The following KATNAL2 variants were observed in gnomAD, a reference collection of about 807,000 sequenced individuals.
KATNAL2 encodes katanin p60 ATPase-containing subunit A-like 2.
In KATNAL2, 52 loss-of-function variants were observed where a neutral mutation model predicts 76.3. The ratio of observed to expected loss-of-function variants is 0.68; its 90% confidence interval spans 0.55 to 0.86. The LOEUF is 0.86. KATNAL2 is among the 40% of genes least tolerant of loss of function. The pLI, the probability that KATNAL2 is intolerant of heterozygous loss-of-function variation, is 0.00. For missense variants in KATNAL2, 660 were observed against 668.9 expected (o/e 0.99, Z 0.15); for synonymous variants, 243 against 244.2 (o/e 1.00, Z 0.05).
Position 47,063,364 on chromosome 18 carries a change from A to G in KATNAL2, c.726+3A>G, listed in dbSNP as rs2061694136. 1 of 1,611,488 alleles carries G rather than the reference A, an allele frequency of 6.2e-7. No homozygotes were observed. Among genetic ancestry groups the G allele is most frequent in the Non-Finnish European group, 8.5e-7 (1 of 1,178,464 alleles). On this transcript the variant is annotated splice_donor_region_variant and intron_variant, in intron 10 of 17. Transcript: ENST00000683218. ...AATTGGCAGCCGTGGTGAGCCGGGT[A>G]AGATCTGATATTCAATTCACAAATT... is the stretch of plus-strand genomic sequence containing the variant.
chr18:47,054,166 A>T (rs907648199), intron 5 of KATNAL2, among the ~76,000 whole-genome samples: 4 of 152,186 alleles, frequency 2.6e-5, no homozygotes, highest in Non-Finnish European at 5.9e-5. Context: ...TTAATATCTG[A>T]GCCCTTTGCA....
chr18:46,960,497 G>C (rs918045663), intron 3 of KATNAL2, among the ~76,000 whole-genome samples: 2 of 152,040 alleles, frequency 1.3e-5, no homozygotes, highest in Non-Finnish European at 1.5e-5. Context: ...GGAAGACTGA[G>C]TTGCTTAGAA....
chr18:47,060,988 T>G (rs996445137), intron 8 of KATNAL2, among the ~76,000 whole-genome samples: 7 of 152,230 alleles, frequency 4.6e-5, no homozygotes, highest in African/African-American at 1.7e-4. Context: ...GAAGGGACCA[T>G]TTAACCCAGC....
chr18:47,097,792 T>G (rs1245240265), intron 15 of KATNAL2, among the ~76,000 whole-genome samples: 1 of 152,194 alleles, frequency 6.6e-6, no homozygotes, highest in Non-Finnish European at 1.5e-5. Context: ...GGTGAACTTG[T>G]GTCATGGGGG....
In KATNAL2 at chr18:46,952,393, G is replaced by GTTTTTTT. The variant is rs35596537; in HGVS notation, c.51+5488_51+5494dup. On this transcript the variant is annotated intron_variant, in intron 3 of 17. Coordinates refer to ENST00000683218, the MANE Select transcript of KATNAL2 (RefSeq NM_001387690.1). ...GCCATTGCACTCAGCCTGCAGGTATGTTTTTTTTTTTTTTTTTTTTTTTTG... is the reference window on the plus strand; with the variant it reads ...GCCATTGCACTCAGCCTGCAGGTATGTTTTTTTTTTTTTTTTTTTTTTTTTTTTTTTG... Among the ~76,000 whole-genome samples the GTTTTTTT allele has an allele frequency of 8.2e-4, 53 of 64,428 alleles. 1 individual carries two copies. Among genetic ancestry groups the GTTTTTTT allele is most frequent in the East Asian group, 1.8e-3 (4 of 2,284 alleles). The allele number at this position is 64,428 out of a possible 152,430, so 42.3% of individuals were successfully genotyped here.
rs117763704 is a variant in KATNAL2, at chr18:47,055,189, G to A, written c.332+751G>A. Among the ~76,000 whole-genome samples, 1,259 of 152,280 alleles carry A rather than the reference G, an allele frequency of 8.3e-3. 9 individuals are homozygous for A. The highest frequency in any genetic ancestry group is 0.014 in the Non-Finnish European group (967 of 68,018). Reference sequence around the variant, plus strand: ...CAGAGCTGTTCAGAAATACCCAGGGGAACAAGGGTGCTGCTGCCGGCTGCC... The same window carrying A: ...CAGAGCTGTTCAGAAATACCCAGGGAAACAAGGGTGCTGCTGCCGGCTGCC... On this transcript the variant is annotated intron_variant, in intron 6 of 17. Transcript: ENST00000683218.
chr18:47,035,032 A>G, intron 3 of KATNAL2: 2 of 1,611,712 alleles, frequency 1.2e-6, no homozygotes. Context: ...TCGGTCCACG[A>G]GCACCAGCTT....
intron 14 of KATNAL2, chr18:47,076,561 C>G (rs2062233355): frequency 6.6e-6 from 1 of 152,206 alleles, no homozygotes; most frequent in Non-Finnish European, 1.5e-5. Context: ...GACTCTTCAT[C>G]TGCTATCCTT....
intron 4 of KATNAL2, among the ~76,000 whole-genome samples, chr18:47,047,186 T>G (rs1447391004): frequency 2.0e-5 from 3 of 152,104 alleles, no homozygotes; most frequent in Non-Finnish European, 4.4e-5. Context: ...CTCCCAAAGT[T>G]CTGGCATTAC....
intron 4 of KATNAL2, among the ~76,000 whole-genome samples, chr18:47,050,441 ATGTATTT>A (rs2061307510): frequency 6.6e-6 from 1 of 152,220 alleles, no homozygotes; most frequent in South Asian, 2.1e-4. Context: ...TTTTATTACA[ATGTATTT>A]TTTGTTCCAG....
intron 1 of KATNAL2, among the ~76,000 whole-genome samples, chr18:46,923,825 G>A (rs1331409285): frequency 6.6e-6 from 1 of 152,220 alleles, no homozygotes; most frequent in Non-Finnish European, 1.5e-5. Flanking sequence ...CTGATGGCCA[G>A]TGATGATGAG....
chr18:46,921,634 A>AT (rs1245632088), intron 1 of KATNAL2, among the ~76,000 whole-genome samples: 2 of 151,944 alleles, frequency 1.3e-5, no homozygotes. Flanking sequence ...AAGATGGTAA[A>AT]TTTTTTGTAT....
At chr18:47,062,527 C>A (rs2061666807) in intron 8 of KATNAL2, among the ~76,000 whole-genome samples, 1 of 152,106 alleles carries the variant, frequency 6.6e-6, no homozygotes. Flanking sequence ...AGAAATAGTT[C>A]TCACAAAGAA....
Position 46,946,748 on chromosome 18 carries a change from C to T in KATNAL2, c.-19-106C>T. On this transcript the variant is annotated intron_variant, in intron 2 of 17. Transcript: ENST00000683218. ...CCTTCTGTGGCCAGCGATTGGCGGG[C>T]GTGTCTGGGCTCTAGCCAATCCGGA... is the stretch of plus-strand genomic sequence containing the variant. 3 of 1,141,144 alleles carry T rather than the reference C, an allele frequency of 2.6e-6. No homozygotes were observed. The South Asian group carries it at 4.2e-5, about 16-fold the overall frequency. 70.7% of individuals were successfully genotyped at this position (1,141,144 alleles called of 1,614,324 possible).
At chr18:47,033,493 T>G (rs1339089309) in intron 3 of KATNAL2, 2 of 1,614,208 alleles carry the variant, frequency 1.2e-6, no homozygotes, top group East Asian at 2.2e-5. Context: ...CTTGAAGTCC[T>G]GGAAACAATG....
chr18:46,952,255 G>C (rs1156521098), intron 3 of KATNAL2, among the ~76,000 whole-genome samples: 1 of 151,506 alleles, frequency 6.6e-6, no homozygotes, highest in Non-Finnish European at 1.5e-5. Flanking sequence ...TTTATTTTTT[G>C]TAGAGACAGG....
At chr18:47,096,252 A>C (rs114059681) in intron 15 of KATNAL2, among the ~76,000 whole-genome samples, 67 of 152,312 alleles carry the variant, frequency 4.4e-4, no homozygotes, top group African/African-American at 1.4e-3. Flanking sequence ...AGAATAAGAA[A>C]AAATGGGAAG....
At chr18:46,950,230 A>AT (rs1034705623) in intron 3 of KATNAL2, among the ~76,000 whole-genome samples, 3 of 152,164 alleles carry the variant, frequency 2.0e-5, no homozygotes, top group African/African-American at 4.8e-5. Context: ...CTCAAGCCTT[A>AT]TTTTTTGTTT....
intron 13 of KATNAL2, among the ~76,000 whole-genome samples, chr18:47,071,376 G>T (rs191396768): frequency 2.2e-3 from 337 of 152,208 alleles, no homozygotes; most frequent in African/African-American, 7.8e-3. Flanking sequence ...AACTTAATAT[G>T]CACAGATTTT....
Sources: gnomAD v4.1 joint callset for allele counts (sites outside exome capture counted in the v4.1 genomes callset) on GRCh38, gnomAD v4.1.1 for gene constraint, MANE v1.5 for transcripts, NCBI Gene and HGNC (gene_info 2026-07-23, HGNC 2026-07-21) for gene names.